The following PRKCE variants were observed in gnomAD, a reference collection of about 807,000 sequenced individuals.
The protein encoded by PRKCE is protein kinase C epsilon type.
Under a neutral mutation model 85.4 loss-of-function variants are expected in PRKCE, and 16 were observed. The observed-to-expected ratio is 0.19, with a 90% confidence interval of 0.13 to 0.28. The LOEUF (loss-of-function observed/expected upper bound fraction) is 0.28, where lower values mean the gene tolerates loss of function less well. Among genes scored for constraint, PRKCE ranks in the 10% least tolerant of loss-of-function variants. The pLI is 1.00. For missense variants in PRKCE, 573 were observed against 975.2 expected (o/e 0.59, Z 5.49); for synonymous variants, 388 against 371.5 (o/e 1.04, Z -0.51).
chr2:45,962,061 A>G (rs1016802829), intron 2 of PRKCE, among the ~76,000 whole-genome samples: 3 of 152,204 alleles, frequency 2.0e-5, no homozygotes. Flanking sequence ...GTTCCCAGGT[A>G]CTGCTTAAAC....
chr2:46,156,360 T>G (rs531151078), intron 13 of PRKCE, among the ~76,000 whole-genome samples: 1 of 151,804 alleles, frequency 6.6e-6, no homozygotes, highest in East Asian at 1.9e-4. Flanking sequence ...CCTGCTGTGC[T>G]TCTCTCAGGG....
intron 14 of PRKCE, among the ~76,000 whole-genome samples, chr2:46,167,328 T>C (rs1449497186): frequency 6.6e-6 from 1 of 152,154 alleles, no homozygotes; most frequent in Non-Finnish European, 1.5e-5. Flanking sequence ...ACAAACCTAA[T>C]TGCCTGAAAT....
At chr2:45,690,205 C>A (rs994702990) in intron 1 of PRKCE, among the ~76,000 whole-genome samples, 1 of 152,192 alleles carries the variant, frequency 6.6e-6, no homozygotes, top group Admixed American at 6.5e-5. Context: ...GTAAATACTT[C>A]ATTTATTTCA....
Position 45,664,939 on chromosome 2 carries a change from C to T in PRKCE, c.348+12491C>T, listed in dbSNP as rs574547628. ...TATGCCCAACCTCTAATGCAGTGCA[C>T]ACTGATTGTTCAGTTGTCCTGGGCC... On this transcript the variant is annotated intron_variant, in intron 1 of 14. Coordinates refer to ENST00000306156, the MANE Select transcript of PRKCE (RefSeq NM_005400.3). 1.7e-4 allele frequency among the ~76,000 whole-genome samples: 26 copies of T among 152,316 alleles called. No homozygotes were observed. The South Asian group carries it at 5.4e-3, about 32-fold the overall frequency.
At chr2:45,804,922 CTT>C (rs778497650) in intron 1 of PRKCE, among the ~76,000 whole-genome samples, 4 of 144,118 alleles carry the variant, frequency 2.8e-5, no homozygotes, top group Non-Finnish European at 4.5e-5. Context: ...CTTTTAAAGA[CTT>C]TGTTCAGCTA....
chr2:46,113,188 T>G (rs573961977), intron 11 of PRKCE, among the ~76,000 whole-genome samples: 19 of 152,312 alleles, frequency 1.2e-4, no homozygotes, highest in Non-Finnish European at 2.5e-4. Context: ...TAAGAATAAT[T>G]ACCCTAAATA....
At chr2:45,974,600 G>C (rs569638029) in intron 2 of PRKCE, among the ~76,000 whole-genome samples, 10 of 152,310 alleles carry the variant, frequency 6.6e-5, no homozygotes, top group African/African-American at 2.4e-4. Flanking sequence ...ATTTGGTCCT[G>C]TTCTCACCTT....
At chr2:45,991,014 C>CTT (rs146375497) in intron 6 of PRKCE, among the ~76,000 whole-genome samples, 28 of 141,040 alleles carry the variant, frequency 2.0e-4, no homozygotes, top group East Asian at 4.2e-4. Context: ...TTTCTTTCTT[C>CTT]TTTTTTTTTT....
Position 45,885,002 on chromosome 2 carries a change from T to TTTTG in PRKCE, c.412+41941_412+41942insTGTT, listed in dbSNP as rs375477829. Among the ~76,000 whole-genome samples the TTTTG allele has an allele frequency of 1.5e-4, 15 of 97,666 alleles. 1 individual carries two copies. Among genetic ancestry groups the TTTTG allele is most frequent in the Admixed American group, 6.9e-4 (6 of 8,636 alleles). 64.1% of individuals were successfully genotyped at this position (97,666 alleles called of 152,430 possible). ...ATATATATATATATATATATATATA[T>TTTTG]TTGTTGTTGTTGTTGTTGTTTTACC... On this transcript the variant is annotated intron_variant, in intron 2 of 14. Coordinates refer to ENST00000306156, the MANE Select transcript of PRKCE (RefSeq NM_005400.3).
chr2:45,818,304 T>G (rs968815928), intron 1 of PRKCE, among the ~76,000 whole-genome samples: 1 of 152,224 alleles, frequency 6.6e-6, no homozygotes, highest in Non-Finnish European at 1.5e-5. Flanking sequence ...GATTTCTATC[T>G]TTTTTGGCTT....
At chr2:45,974,197 G>A (rs887655473) in intron 2 of PRKCE, among the ~76,000 whole-genome samples, 4 of 152,154 alleles carry the variant, frequency 2.6e-5, no homozygotes, top group African/African-American at 9.7e-5. Flanking sequence ...AGTATGAAGC[G>A]AAACAAAAAC....
intron 11 of PRKCE, among the ~76,000 whole-genome samples, chr2:46,130,695 T>C (rs1674348138): frequency 6.6e-6 from 1 of 152,232 alleles, no homozygotes; most frequent in Non-Finnish European, 1.5e-5. Flanking sequence ...GCAGACCTCA[T>C]TGCTCTGTTT....
At chr2:45,808,517 C>A (rs900059820) in intron 1 of PRKCE, among the ~76,000 whole-genome samples, 3 of 152,186 alleles carry the variant, frequency 2.0e-5, no homozygotes, top group Admixed American at 1.3e-4. Context: ...TCCCTGGCTT[C>A]CTGTTTGTGT....
At chr2:45,858,079 G>A (rs973150228) in intron 2 of PRKCE, among the ~76,000 whole-genome samples, 9 of 152,170 alleles carry the variant, frequency 5.9e-5, no homozygotes, top group African/African-American at 2.2e-4. Context: ...TAATAGGTGG[G>A]TTTGAGTCAC....
At chr2:46,183,266 A>G (rs1680174815) in intron 14 of PRKCE, among the ~76,000 whole-genome samples, 1 of 152,234 alleles carries the variant, frequency 6.6e-6, no homozygotes, top group Non-Finnish European at 1.5e-5. Flanking sequence ...TCAGAGACTA[A>G]CTTGCCAATG....
Position 46,180,492 on chromosome 2 carries a change from G to C in PRKCE, c.2068-4243G>C, listed in dbSNP as rs553569270. Among the ~76,000 whole-genome samples the C allele has an allele frequency of 2.0e-4, 30 of 152,306 alleles. No individual in the cohort carries two copies. The South Asian group carries it at 5.2e-3, about 26-fold the overall frequency. Reference sequence around the variant, plus strand: ...AGGAAGCACTAGGATGTTCAGGCAGGCCCAGGCTCAGTCCTAGTTCAGGAT... The same window carrying C: ...AGGAAGCACTAGGATGTTCAGGCAGCCCCAGGCTCAGTCCTAGTTCAGGAT... On this transcript the variant is annotated intron_variant, in intron 14 of 14. Coordinates refer to ENST00000306156, the MANE Select transcript of PRKCE (RefSeq NM_005400.3).
intron 2 of PRKCE, among the ~76,000 whole-genome samples, chr2:45,859,698 C>T (rs1265304257): frequency 6.6e-6 from 1 of 152,178 alleles, no homozygotes; most frequent in East Asian, 1.9e-4. Context: ...ATATCTTCCC[C>T]TCATTTGTAG....
At chr2:45,659,505 A>G (rs1160208560) in intron 1 of PRKCE, among the ~76,000 whole-genome samples, 4 of 152,148 alleles carry the variant, frequency 2.6e-5, no homozygotes, top group African/African-American at 9.7e-5. Context: ...CTGCTCACAG[A>G]TCTCTCAGGT....
intron 10 of PRKCE, among the ~76,000 whole-genome samples, chr2:46,024,164 A>T (rs753432260): frequency 6.6e-6 from 1 of 152,208 alleles, no homozygotes; most frequent in Non-Finnish European, 1.5e-5. Context: ...TGGTTGATTT[A>T]TACTGGGGTG....
Sources: gnomAD v4.1 joint callset for allele counts (sites outside exome capture counted in the v4.1 genomes callset) on GRCh38, gnomAD v4.1.1 for gene constraint, MANE v1.5 for transcripts, NCBI Gene and HGNC (gene_info 2026-07-23, HGNC 2026-07-21) for gene names.